Variants in IMMP2L observed in about 807,000 individuals in gnomAD.
IMMP2L encodes the protein inner mitochondrial membrane peptidase subunit 2.
A neutral mutation model predicts 19.3 loss-of-function variants in IMMP2L; 18 were observed. The ratio of observed to expected loss-of-function variants is 0.93; its 90% CI spans 0.64 to 1.38. The LOEUF (loss-of-function observed/expected upper bound fraction) is 1.38. Among genes scored for constraint, IMMP2L ranks in the 40% most tolerant of loss-of-function variants. The probability of loss-of-function intolerance (pLI) is 0.00; values close to 1 mark genes in which losing one functional copy is unlikely to be tolerated. For missense variants in IMMP2L, 233 were observed against 218.2 expected (o/e 1.07, Z -0.43); for synonymous variants, 76 against 73.0 (o/e 1.04, Z -0.21).
intron 3 of IMMP2L, among the ~76,000 whole-genome samples, chr7:111,061,742 AC>A (rs1794037923): frequency 6.9e-6 from 1 of 145,962 alleles, no homozygotes; most frequent in Non-Finnish European, 1.6e-5. Flanking sequence ...TCAATTCTCC[AC>A]AGTTCAGCCA....
At position 111,546,680 on chromosome 7, in the gene IMMP2L, A is replaced by G. The variant is rs142454306; in HGVS notation, c.-3+15171T>C. 5.6e-4 allele frequency among the ~76,000 whole-genome samples: 85 copies of G among 152,208 alleles called. 2 individuals are homozygous for G. The highest frequency in any genetic ancestry group is 1.9e-3 in the African/African-American group (79 of 41,542). ...ATTTTGAATGTTCTTCCCTTCCTTC[A>G]AAGGTCAATTCAAGTTGATGTCTCT... On this transcript the variant is annotated intron_variant, in intron 1 of 5. Transcript: ENST00000405709.
At chr7:111,009,865 TC>T (rs1824744718) in intron 3 of IMMP2L, among the ~76,000 whole-genome samples, 1 of 152,112 alleles carries the variant, frequency 6.6e-6, no homozygotes, top group Non-Finnish European at 1.5e-5. Context: ...GAAGAGAAAT[TC>T]AACAAAGGCT....
At chr7:110,914,115 ACCACGT>A (rs1399394499) in intron 4 of IMMP2L, among the ~76,000 whole-genome samples, 3 of 152,170 alleles carry the variant, frequency 2.0e-5, no homozygotes, top group African/African-American at 7.2e-5. Flanking sequence ...CTCTTCCTGG[ACCACGT>A]CCGCATCTTG....
chr7:111,342,985 A>T (rs181713915), intron 3 of IMMP2L, among the ~76,000 whole-genome samples: 1 of 152,236 alleles, frequency 6.6e-6, no homozygotes, highest in African/African-American at 2.4e-5. Flanking sequence ...AAGTAGCAAT[A>T]AGATTCAGTG....
chr7:111,168,032 C>A (rs1562879171), intron 3 of IMMP2L, among the ~76,000 whole-genome samples: 1 of 151,792 alleles, frequency 6.6e-6, no homozygotes, highest in East Asian at 1.9e-4. Context: ...TTTATTCAAA[C>A]AGTAAAATTT....
chr7:111,120,921 T>C (rs1270663744), intron 3 of IMMP2L, among the ~76,000 whole-genome samples: 1 of 150,950 alleles, frequency 6.6e-6, no homozygotes, highest in African/African-American at 2.5e-5. Flanking sequence ...GCCTTTTATG[T>C]TGCCTCTCTA....
intron 3 of IMMP2L, among the ~76,000 whole-genome samples, chr7:111,309,524 T>A (rs1240829964): frequency 6.6e-6 from 1 of 152,128 alleles, no homozygotes; most frequent in Non-Finnish European, 1.5e-5. Context: ...GAATTGATAC[T>A]TTTTCACATA....
chr7:111,139,068 A>G (rs2129597362), intron 3 of IMMP2L, among the ~76,000 whole-genome samples: 1 of 152,286 alleles, frequency 6.6e-6, no homozygotes, highest in East Asian at 1.9e-4. Flanking sequence ...TTGTGAGAAT[A>G]ATGAACAAAT....
chr7:110,991,608 C>A lies in IMMP2L; in HGVS notation c.240-28043G>T, dbSNP rs561712446. On this transcript the variant is annotated intron_variant, in intron 3 of 5. Transcript: ENST00000405709. ...GAAGGGTATAGCAATTGTCTCCAGACCCAGACCAACTAACTAATCTACTTT... is the reference window on the plus strand; with the variant it reads ...GAAGGGTATAGCAATTGTCTCCAGAACCAGACCAACTAACTAATCTACTTT... Among the ~76,000 whole-genome samples, 4 of 152,162 alleles carry A rather than the reference C, an allele frequency of 2.6e-5. No individual in the cohort carries two copies. The South Asian group carries it at 8.3e-4, about 32-fold the overall frequency.
intron 3 of IMMP2L, among the ~76,000 whole-genome samples, chr7:111,470,051 A>T (rs549686263): frequency 3.9e-5 from 6 of 152,186 alleles, no homozygotes; most frequent in African/African-American, 1.4e-4. Context: ...AACCCCATCA[A>T]AAAGTGGGTG....
intron 5 of IMMP2L, among the ~76,000 whole-genome samples, chr7:110,714,666 G>C (rs4727744): frequency 0.87 from 131,682 of 152,034 alleles, 57,178 homozygotes; most frequent in Non-Finnish European, 0.89. Context: ...GTGCGATCTC[G>C]GCTCACTGTA....
chr7:111,520,111 C>T (rs930316129), intron 2 of IMMP2L, among the ~76,000 whole-genome samples: 1 of 152,100 alleles, frequency 6.6e-6, no homozygotes, highest in Non-Finnish European at 1.5e-5. Flanking sequence ...ATGTAAAATA[C>T]ATTCTATCTT....
At chr7:111,070,081 A>G (rs1794824750) in intron 3 of IMMP2L, among the ~76,000 whole-genome samples, 2 of 152,208 alleles carry the variant, frequency 1.3e-5, no homozygotes, top group African/African-American at 4.8e-5. Flanking sequence ...GTTTTTAGCT[A>G]AAGTAGTTCA....
chr7:111,416,822 T>G (rs1010236885), intron 3 of IMMP2L, among the ~76,000 whole-genome samples: 1 of 151,682 alleles, frequency 6.6e-6, no homozygotes, highest in Non-Finnish European at 1.5e-5. Context: ...AGACCACAAT[T>G]GAGAGTTTAA....
chr7:111,122,854 G>T, intron 3 of IMMP2L: 1 of 1,613,956 alleles, frequency 6.2e-7, no homozygotes, highest in East Asian at 2.2e-5. Flanking sequence ...TAAAAAAGTG[G>T]ATTGTCCACG....
intron 5 of IMMP2L, among the ~76,000 whole-genome samples, chr7:110,669,199 G>A (rs1791717506): frequency 6.6e-6 from 1 of 152,004 alleles, no homozygotes; most frequent in Non-Finnish European, 1.5e-5. Context: ...TGACAAGGGA[G>A]GTCAGCCGAC....
At chr7:110,705,264 G>C (rs1364928957) in intron 5 of IMMP2L, among the ~76,000 whole-genome samples, 2 of 152,286 alleles carry the variant, frequency 1.3e-5, no homozygotes, top group African/African-American at 2.4e-5. Context: ...TTAGAGGAAA[G>C]AGACTGATAG....
At chr7:111,265,262 C>T (rs1232756051) in intron 3 of IMMP2L, among the ~76,000 whole-genome samples, 1 of 152,148 alleles carries the variant, frequency 6.6e-6, no homozygotes, top group East Asian at 1.9e-4. Context: ...TTACTAAAAG[C>T]CTTTTTCTGT....
At chr7:111,277,904 A>G (rs1447469219) in intron 3 of IMMP2L, among the ~76,000 whole-genome samples, 2 of 152,204 alleles carry the variant, frequency 1.3e-5, no homozygotes, top group African/African-American at 4.8e-5. Context: ...CTATTCAGCC[A>G]TAAAAAAGAA....
Sources: gnomAD v4.1 joint callset for allele counts (sites outside exome capture counted in the v4.1 genomes callset) on GRCh38, gnomAD v4.1.1 for gene constraint, MANE v1.5 for transcripts, NCBI Gene and HGNC (gene_info 2026-07-23, HGNC 2026-07-21) for gene names.